The following KCNIP4 variants were observed in gnomAD, a reference collection of about 807,000 sequenced individuals.
KCNIP4 encodes potassium voltage-gated channel interacting protein 4.
KCNIP4 carries 12 observed loss-of-function variants against 34.0 expected under a neutral mutation model. That is an observed-to-expected ratio of 0.35 (90% confidence interval 0.23 to 0.57). KCNIP4 has a LOEUF of 0.57. Ranked by LOEUF, KCNIP4 falls within the 20% of genes least tolerant of loss-of-function variation. The pLI, the probability that KCNIP4 is intolerant of heterozygous loss-of-function variation, is 0.83. For missense variants in KCNIP4, 238 were observed against 311.7 expected (o/e 0.76, Z 1.78); for synonymous variants, 124 against 102.2 (o/e 1.21, Z -1.29).
At chr4:21,101,309 G>A (rs902547313) in intron 1 of KCNIP4, among the ~76,000 whole-genome samples, 2 of 152,004 alleles carry the variant, frequency 1.3e-5, no homozygotes. Context: ...TTATGCATGA[G>A]TAGTATTTCA....
At chr4:21,854,145 C>G (rs1445721775) in intron 1 of KCNIP4, among the ~76,000 whole-genome samples, 2 of 152,142 alleles carry the variant, frequency 1.3e-5, no homozygotes, top group Non-Finnish European at 2.9e-5. Flanking sequence ...TAACCATCAC[C>G]CTAGTAATCA....
intron 1 of KCNIP4, among the ~76,000 whole-genome samples, chr4:20,940,759 C>T (rs1013556446): frequency 1.1e-4 from 17 of 152,170 alleles, no homozygotes; most frequent in Non-Finnish European, 2.9e-5. Context: ...CTTATCATTA[C>T]TTCTTGTATC....
rs538382472 is a variant in KCNIP4, at chr4:21,581,256, T to C, written c.61+367315A>G. ...GGAGGTCTGTTATTTTCAAGGGAAT[T>C]GACAACTTAAGAAATTCACAGTTCT... On this transcript the variant is annotated intron_variant, in intron 1 of 8. Coordinates refer to ENST00000382152, the MANE Select transcript of KCNIP4 (RefSeq NM_025221.6). 7.9e-5 allele frequency among the ~76,000 whole-genome samples: 12 copies of C among 152,104 alleles called. 1 individual carries two copies. The South Asian group carries it at 2.5e-3, about 32-fold the overall frequency.
chr4:21,835,555 A>G (rs1296985485), intron 1 of KCNIP4, among the ~76,000 whole-genome samples: 2 of 149,200 alleles, frequency 1.3e-5, no homozygotes, highest in Non-Finnish European at 3.0e-5. Flanking sequence ...AACTTTAGAA[A>G]AGTTTTTCCA....
intron 1 of KCNIP4, among the ~76,000 whole-genome samples, chr4:21,266,714 C>T (rs937211340): frequency 6.6e-6 from 1 of 152,212 alleles, no homozygotes; most frequent in Non-Finnish European, 1.5e-5. Context: ...CCTACAAGTA[C>T]TTCAGCATAG....
At chr4:21,456,072 C>T (rs991184670) in intron 1 of KCNIP4, among the ~76,000 whole-genome samples, 7 of 145,926 alleles carry the variant, frequency 4.8e-5, no homozygotes, top group Non-Finnish European at 8.9e-5. Context: ...GAGAAGAAAA[C>T]CCACCCCATT....
intron 3 of KCNIP4, among the ~76,000 whole-genome samples, chr4:20,820,334 G>A (rs1578697302): frequency 6.6e-6 from 1 of 152,216 alleles, no homozygotes; most frequent in Non-Finnish European, 1.5e-5. Context: ...CTGTGTCTTA[G>A]TGCTTAGTCA....
chr4:21,076,444 TG>T (rs1745493127), intron 1 of KCNIP4, among the ~76,000 whole-genome samples: 1 of 152,166 alleles, frequency 6.6e-6, no homozygotes, highest in Admixed American at 6.6e-5. Flanking sequence ...AATTATGTCA[TG>T]GATATATTCT....
At chr4:21,179,028 G>A (rs540467154) in intron 1 of KCNIP4, among the ~76,000 whole-genome samples, 1 of 152,100 alleles carries the variant, frequency 6.6e-6, no homozygotes, top group Non-Finnish European at 1.5e-5. Context: ...TGTTGCCCAG[G>A]CTGGTCTCAA....
intron 1 of KCNIP4, among the ~76,000 whole-genome samples, chr4:20,973,832 A>T (rs1735217715): frequency 6.6e-6 from 1 of 152,160 alleles, no homozygotes; most frequent in African/African-American, 2.4e-5. Context: ...CAGTCAGAAT[A>T]CACACAATAT....
chr4:21,903,200 G>C (rs1311368171), intron 1 of KCNIP4, among the ~76,000 whole-genome samples: 1 of 152,092 alleles, frequency 6.6e-6, no homozygotes. Context: ...TAGAATGATA[G>C]TTTATTTCTT....
chr4:21,449,663 C>T, intron 1 of KCNIP4, among the ~76,000 whole-genome samples: 1 of 151,044 alleles, frequency 6.6e-6, no homozygotes. Flanking sequence ...CTACTTTTTA[C>T]TCTTTTTAAA....
At chr4:21,123,181 T>C (rs1438969071) in intron 1 of KCNIP4, among the ~76,000 whole-genome samples, 1 of 151,110 alleles carries the variant, frequency 6.6e-6, no homozygotes, top group Non-Finnish European at 1.5e-5. Flanking sequence ...GCCACTGCAC[T>C]CCAGCCTGAA....
At chr4:21,193,295 C>T (rs555499615) in intron 1 of KCNIP4, among the ~76,000 whole-genome samples, 1 of 152,190 alleles carries the variant, frequency 6.6e-6, no homozygotes, top group South Asian at 2.1e-4. Context: ...CTTTTTAAAG[C>T]TTTCTTTGTG....
chr4:21,866,716 A>G (rs2109359113), intron 1 of KCNIP4, among the ~76,000 whole-genome samples: 2 of 150,816 alleles, frequency 1.3e-5, no homozygotes, highest in South Asian at 4.2e-4. Context: ...AAAACTCTCA[A>G]TCTAATTCCA....
chr4:21,745,653 T>C (rs1382556717), intron 1 of KCNIP4, among the ~76,000 whole-genome samples: 2 of 151,916 alleles, frequency 1.3e-5, no homozygotes, highest in Non-Finnish European at 2.9e-5. Flanking sequence ...TCAAAACTCT[T>C]GAGGAAAAAG....
intron 1 of KCNIP4, among the ~76,000 whole-genome samples, chr4:20,924,880 A>G (rs1296667622): frequency 6.6e-6 from 1 of 152,240 alleles, no homozygotes; most frequent in Non-Finnish European, 1.5e-5. Context: ...AGACCAGTGC[A>G]TGATAAATGC....
At chr4:21,106,177 G>T (rs1748512026) in intron 1 of KCNIP4, among the ~76,000 whole-genome samples, 1 of 151,320 alleles carries the variant, frequency 6.6e-6, no homozygotes, top group Non-Finnish European at 1.5e-5. Flanking sequence ...AATGGTACCA[G>T]TTCCTCCTTG....
intron 1 of KCNIP4, among the ~76,000 whole-genome samples, chr4:21,511,441 C>T (rs1734304740): frequency 6.6e-6 from 1 of 151,930 alleles, no homozygotes; most frequent in South Asian, 2.1e-4. Context: ...AGATAAATAA[C>T]AATATTGCAT....
Sources: gnomAD v4.1 joint callset for allele counts (sites outside exome capture counted in the v4.1 genomes callset) on GRCh38, gnomAD v4.1.1 for gene constraint, MANE v1.5 for transcripts, NCBI Gene and HGNC (gene_info 2026-07-23, HGNC 2026-07-21) for gene names.